The following MCTP2 variants were observed in gnomAD, a reference collection of about 807,000 sequenced individuals.
MCTP2 encodes the protein multiple C2 and transmembrane domain-containing protein 2.
A neutral mutation model predicts 111.6 loss-of-function variants in MCTP2; 132 were observed. The ratio of observed to expected loss-of-function variants is 1.18; its 90% CI spans 1.03 to 1.37. The LOEUF (loss-of-function observed/expected upper bound fraction) is 1.37, where lower values mean the gene tolerates loss of function less well. Ranked by LOEUF, MCTP2 falls within the 40% of genes most tolerant of loss-of-function variation. The pLI is 0.00. For synonymous variants in MCTP2, 395 were observed against 387.7 expected (o/e 1.02, Z -0.22); for missense variants, 1,183 against 1,067.9 (o/e 1.11, Z -1.50).
At chr15:94,331,283 A>AT (rs1448203466) in intron 4 of MCTP2, among the ~76,000 whole-genome samples, 1 of 152,242 alleles carries the variant, frequency 6.6e-6, no homozygotes, top group African/African-American at 2.4e-5. Context: ...CCAAAAGAGC[A>AT]TTTTAAACAA....
intron 17 of MCTP2, among the ~76,000 whole-genome samples, chr15:94,415,755 A>G (rs529355853): frequency 6.6e-6 from 1 of 152,140 alleles, no homozygotes; most frequent in Admixed American, 6.6e-5. Flanking sequence ...TGTAAACTTC[A>G]AATGATACAC....
chr15:94,362,804 T>C (rs564168460), intron 10 of MCTP2, among the ~76,000 whole-genome samples: 55 of 152,314 alleles, frequency 3.6e-4, no homozygotes, highest in African/African-American at 1.3e-3. Context: ...CTGACTGATA[T>C]GGTAAAATTA....
At chr15:94,374,967 C>G (rs1218218861) in intron 12 of MCTP2, among the ~76,000 whole-genome samples, 7 of 152,144 alleles carry the variant, frequency 4.6e-5, no homozygotes, top group Admixed American at 1.3e-4. Flanking sequence ...ATTGTTCAAT[C>G]CGTTTTCACA....
intron 18 of MCTP2, among the ~76,000 whole-genome samples, chr15:94,442,589 C>T (rs370660060): frequency 2.4e-4 from 37 of 152,308 alleles, no homozygotes; most frequent in African/African-American, 8.4e-4. Flanking sequence ...TCAGCCTTAA[C>T]GTAGCAGTTG....
At chr15:94,315,423 A>T in intron 3 of MCTP2, 106 bp from the exon 4 acceptor site, 2 of 728,096 alleles carry the variant, frequency 2.7e-6, no homozygotes, top group Non-Finnish European at 2.3e-6. Flanking sequence ...ACAGTCGATC[A>T]TCATAGTGGC....
intron 19 of MCTP2, among the ~76,000 whole-genome samples, chr15:94,451,117 G>C (rs1301394214): frequency 6.6e-6 from 1 of 151,928 alleles, no homozygotes; most frequent in Non-Finnish European, 1.5e-5. Flanking sequence ...CACATTATTT[G>C]TTCTTAGTTC....
intron 14 of MCTP2, among the ~76,000 whole-genome samples, chr15:94,398,538 T>A (rs985186689): frequency 9.9e-5 from 15 of 152,216 alleles, no homozygotes; most frequent in African/African-American, 3.6e-4. Flanking sequence ...AAGGACCCAA[T>A]CCAGAATACC....
rs568914024 is a variant in MCTP2, at chr15:94,328,335, A to G, written c.638-10955A>G. On this transcript the variant is annotated intron_variant, in intron 4 of 22. Transcript: ENST00000357742. ...AGTAGAGACGGGGTTTCACTGTGTT[A>G]GCCAGGATGGTCTTGATCTCCTGAC... 9.2e-5 allele frequency among the ~76,000 whole-genome samples: 14 copies of G among 151,842 alleles called. No homozygotes were observed. The South Asian group carries it at 1.0e-3, about 11-fold the overall frequency.
intron 1 of MCTP2, among the ~76,000 whole-genome samples, chr15:94,259,166 T>TTG (rs1410396479): frequency 6.6e-6 from 1 of 152,158 alleles, no homozygotes; most frequent in Admixed American, 6.5e-5. Flanking sequence ...GGTCATGGGA[T>TTG]TGCAGGACCT....
chr15:94,321,114 A>T (rs757553856), intron 4 of MCTP2, among the ~76,000 whole-genome samples: 7 of 152,180 alleles, frequency 4.6e-5, no homozygotes, highest in Non-Finnish European at 8.8e-5. Context: ...TAGAAAGTTG[A>T]TCCGTGGAGA....
intron 19 of MCTP2, among the ~76,000 whole-genome samples, chr15:94,445,918 G>A (rs1023392279): frequency 6.6e-6 from 1 of 152,172 alleles, no homozygotes; most frequent in Non-Finnish European, 1.5e-5. Context: ...CATCACGGAC[G>A]ACTGTGGAAG....
At chr15:94,402,994 G>C in intron 17 of MCTP2, 1 of 995,044 alleles carries the variant, frequency 1.0e-6, no homozygotes, top group Non-Finnish European at 1.2e-6. Context: ...AAAAATGGGG[G>C]AAAAAAAACA....
chr15:94,325,796 C>T (rs958511298), intron 4 of MCTP2, among the ~76,000 whole-genome samples: 1 of 144,782 alleles, frequency 6.9e-6, no homozygotes, highest in African/African-American at 2.6e-5. Flanking sequence ...TGAACCTACT[C>T]TACTCCATCG....
intron 1 of MCTP2, among the ~76,000 whole-genome samples, chr15:94,243,667 A>G (rs2071332572): frequency 6.7e-6 from 1 of 148,728 alleles, no homozygotes; most frequent in Non-Finnish European, 1.5e-5. Context: ...ATATGCGTAT[A>G]TATACACATA....
chr15:94,479,005 C>G lies in MCTP2; in HGVS notation c.2608C>G (p.Pro870Ala), dbSNP rs754565811. Residue 870 changes from proline to alanine, a missense_variant, in exon 23 of 23, where the codon CCC becomes GCC. Transcript: ENST00000357742. ...ATTGAAACTCTGCAGCAGCCACAGC[C>G]CCCTGCGGAAGAAGCGCAGCGCTCT... ...AELKLCSSHS[P>A]LRKKRSAL is the part of the protein sequence containing the mutation. 1 of 1,614,070 alleles carries G rather than the reference C, an allele frequency of 6.2e-7. No individual in the cohort carries two copies. The highest frequency in any genetic ancestry group is 2.2e-5 in the East Asian group (1 of 44,868).
intron 19 of MCTP2, among the ~76,000 whole-genome samples, chr15:94,454,558 T>C (rs1237236440): frequency 6.6e-6 from 1 of 151,758 alleles, no homozygotes; most frequent in African/African-American, 2.4e-5. Flanking sequence ...TTCGAAGATA[T>C]CTCAGTTAAC....
chr15:94,334,249 C>T (rs187093360), intron 4 of MCTP2, among the ~76,000 whole-genome samples: 76 of 152,260 alleles, frequency 5.0e-4, no homozygotes, highest in African/African-American at 1.0e-3. Flanking sequence ...GAAGATATTA[C>T]GGCATAAGGA....
At chr15:94,339,157 C>T (rs117191037) in intron 4 of MCTP2, 133 bp from the exon 5 acceptor site, 16,999 of 571,282 alleles carry the variant, frequency 0.03, 360 homozygotes, top group Non-Finnish European at 0.04. Flanking sequence ...CCCTGTCTTC[C>T]ATCTCCGAGC....
chr15:94,464,239 AATATATATATATATATATTAT>A (rs1319330700), intron 20 of MCTP2, among the ~76,000 whole-genome samples: 10 of 89,298 alleles, frequency 1.1e-4, no homozygotes, highest in African/African-American at 4.7e-4. Context: ...TTATATATAT[AATATATATATATATATATTAT>A]ATATATATAT....
Sources: gnomAD v4.1 joint callset for allele counts (sites outside exome capture counted in the v4.1 genomes callset) on GRCh38, gnomAD v4.1.1 for gene constraint, MANE v1.5 for transcripts, NCBI Gene and HGNC (gene_info 2026-07-23, HGNC 2026-07-21) for gene names.